NETO1: variants seen among roughly 807,000 people sequenced by gnomAD.
NETO1 encodes the protein neuropilin and tolloid like 1.
NETO1 carries 26 observed loss-of-function variants against 61.3 expected under a neutral mutation model. The ratio of observed to expected loss-of-function variants is 0.42; its 90% CI spans 0.31 to 0.59. The LOEUF is 0.59. Among genes scored for constraint, NETO1 ranks in the 20% least tolerant of loss-of-function variants. The pLI is 0.12. For missense variants in NETO1, 531 were observed against 662.8 expected (o/e 0.80, Z 2.18); for synonymous variants, 225 against 225.8 (o/e 1.00, Z 0.03).
intron 4 of NETO1, among the ~76,000 whole-genome samples, chr18:72,812,043 T>A (rs531975317): frequency 1.0e-3 from 157 of 152,314 alleles, no homozygotes; most frequent in Non-Finnish European, 1.7e-3. Flanking sequence ...AAAACCGCAA[T>A]TGTAAGTGTG....
In NETO1 at chr18:72,744,742, A is replaced by C. The variant is rs1238899706; in HGVS notation, c.*3437T>G. 6.6e-6 allele frequency: 1 copy of C among 152,226 alleles called. No homozygotes were observed. The highest frequency in any genetic ancestry group is 1.5e-5 in the Non-Finnish European group (1 of 68,036). 9.4% of individuals were successfully genotyped at this position (152,226 alleles called of 1,614,324 possible). A position where few individuals can be genotyped will look rare whatever the true frequency, so the allele number is the denominator to read the frequency against. Reference sequence around the variant, plus strand: ...TTTTCATCAGAGATACACAAACTTCATAAGATGCTATTATTTATTTCACTG... The same window carrying C: ...TTTTCATCAGAGATACACAAACTTCCTAAGATGCTATTATTTATTTCACTG... On this transcript the variant is annotated 3_prime_UTR_variant, in exon 11 of 11. Coordinates refer to ENST00000327305, the MANE Select transcript of NETO1 (RefSeq NM_138966.5).
intron 7 of NETO1, among the ~76,000 whole-genome samples, chr18:72,768,107 C>T (rs900201768): frequency 6.6e-6 from 1 of 152,144 alleles, no homozygotes; most frequent in African/African-American, 2.4e-5. Flanking sequence ...AGATCTTTTT[C>T]AAAAGCAAAA....
At chr18:72,761,257 T>C (rs1440366430) in intron 7 of NETO1, among the ~76,000 whole-genome samples, 1 of 152,222 alleles carries the variant, frequency 6.6e-6, no homozygotes, top group Non-Finnish European at 1.5e-5. Context: ...CAAGGAGTTC[T>C]CTGAAGCTAA....
intron 4 of NETO1, among the ~76,000 whole-genome samples, chr18:72,832,794 T>C (rs549544141): frequency 8.5e-5 from 13 of 152,354 alleles, no homozygotes; most frequent in African/African-American, 3.1e-4. Context: ...TTGAGGTTTA[T>C]ATGCATATTT....
intron 7 of NETO1, among the ~76,000 whole-genome samples, chr18:72,781,403 T>C (rs1253903154): frequency 6.6e-6 from 1 of 152,222 alleles, no homozygotes; most frequent in Non-Finnish European, 1.5e-5. Flanking sequence ...AGCCTGAGTC[T>C]CATATGCTTG....
In NETO1 at chr18:72,750,872, T is replaced by TACACACACACACACACACAC. The variant is rs142668353; in HGVS notation, c.983-272_983-253dup. On this transcript the variant is annotated intron_variant, in intron 8 of 10. Transcript: ENST00000327305. ...CATTGCCCAGCATCTCAGCTTAAAA[T>TACACACACACACACACACAC]ACACACACACACACACACACACACA... 1.7e-3 allele frequency among the ~76,000 whole-genome samples: 206 copies of TACACACACACACACACACAC among 118,758 alleles called. 3 individuals carry two copies. Among genetic ancestry groups the TACACACACACACACACACAC allele is most frequent in the Middle Eastern group, 5.2e-3 (1 of 192 alleles). The allele number at this position is 118,758 out of a possible 152,430, so 77.9% of individuals were successfully genotyped here.
intron 8 of NETO1, among the ~76,000 whole-genome samples, chr18:72,751,410 C>T (rs957510000): frequency 6.6e-6 from 1 of 152,124 alleles, no homozygotes; most frequent in African/African-American, 2.4e-5. Context: ...GAGGTGTGGA[C>T]AAGAACGCAG....
chr18:72,783,538 G>A, intron 7 of NETO1, 140 bp downstream of exon 7: 1 of 672,654 alleles, frequency 1.5e-6, no homozygotes, highest in Non-Finnish European at 2.5e-6. Flanking sequence ...ATGAGAAAAA[G>A]AGGACCTTAG....
intron 4 of NETO1, among the ~76,000 whole-genome samples, chr18:72,821,440 C>G (rs931748586): frequency 6.6e-6 from 1 of 151,056 alleles, no homozygotes; most frequent in African/African-American, 2.4e-5. Flanking sequence ...GTGGCACATG[C>G]CTATAATCCA....
chr18:72,772,799 C>A lies in NETO1; in HGVS notation c.868+10879G>T, dbSNP rs1471337247. Reference sequence around the variant, plus strand: ...TATACAGATCTCTATATAGTTCTCTCTCTCTCTCTCTCTCTCTCTCTCTCT... The same window carrying A: ...TATACAGATCTCTATATAGTTCTCTATCTCTCTCTCTCTCTCTCTCTCTCT... On this transcript the variant is annotated intron_variant, in intron 7 of 10. Coordinates refer to ENST00000327305, the MANE Select transcript of NETO1 (RefSeq NM_138966.5). 1.9e-3 allele frequency among the ~76,000 whole-genome samples: 68 copies of A among 34,972 alleles called. 3 individuals carry two copies. The highest frequency in any genetic ancestry group is 4.0e-3 in the African/African-American group (38 of 9,456). The allele number at this position is 34,972 out of a possible 152,430, so 22.9% of individuals were successfully genotyped here. A position where few individuals can be genotyped will look rare whatever the true frequency, so the allele number is the denominator to read the frequency against.
intron 4 of NETO1, among the ~76,000 whole-genome samples, chr18:72,803,188 G>C (rs993557480): frequency 3.3e-5 from 5 of 152,172 alleles, no homozygotes; most frequent in African/African-American, 9.7e-5. Context: ...GTATTTGCTA[G>C]AGTGCACTTG....
chr18:72,788,379 C>T (rs966733662), intron 6 of NETO1, among the ~76,000 whole-genome samples: 8 of 151,994 alleles, frequency 5.3e-5, no homozygotes, highest in African/African-American at 1.9e-4. Context: ...AGCCAAATTC[C>T]ATTATCCAGA....
intron 3 of NETO1, among the ~76,000 whole-genome samples, chr18:72,860,635 A>G (rs952549182): frequency 2.0e-5 from 3 of 152,250 alleles, no homozygotes; most frequent in Admixed American, 1.3e-4. Flanking sequence ...AACTCATGCA[A>G]GAAAAATATT....
intron 7 of NETO1, among the ~76,000 whole-genome samples, chr18:72,756,690 A>G (rs1159911836): frequency 6.6e-6 from 1 of 152,172 alleles, no homozygotes; most frequent in Admixed American, 6.5e-5. Flanking sequence ...TAAAAAATAT[A>G]TTATGCTTAT....
intron 4 of NETO1, among the ~76,000 whole-genome samples, chr18:72,838,766 A>T (rs2073834251): frequency 6.6e-6 from 1 of 152,232 alleles, no homozygotes; most frequent in African/African-American, 2.4e-5. Flanking sequence ...TTTCCATTTA[A>T]TAAAGCCTAT....
chr18:72,865,427 C>A (rs914074188), intron 1 of NETO1, 186 bp from the exon 2 acceptor site: 1 of 1,131,716 alleles, frequency 8.8e-7, no homozygotes, highest in African/African-American at 1.6e-5. Flanking sequence ...CCTTGGGACT[C>A]CCTTAAGGAA....
rs751949606 is a variant in NETO1, at chr18:72,830,987, C to T, written c.469+27839G>A. Among the ~76,000 whole-genome samples, 5 of 152,110 alleles carry T rather than the reference C, an allele frequency of 3.3e-5. No homozygotes were observed. Among genetic ancestry groups the T allele is most frequent in the Non-Finnish European group, 7.4e-5 (5 of 68,026 alleles). On this transcript the variant is annotated intron_variant, in intron 4 of 10. Transcript: ENST00000327305. This position sits in a 1 kb window ranked among gnomAD's most constrained non-coding sequence, Gnocchi z 4.9. ...TTCTTGATGAGGTATACTATTACCT[C>T]ATCAAGGTAACAGAATATGTCTCTT...
At chr18:72,851,062 G>A (rs1456686387) in intron 4 of NETO1, among the ~76,000 whole-genome samples, 1 of 152,120 alleles carries the variant, frequency 6.6e-6, no homozygotes, top group African/African-American at 2.4e-5. Context: ...TGAGCGAAAG[G>A]AACCGGCATC....
intron 4 of NETO1, among the ~76,000 whole-genome samples, chr18:72,801,350 C>T (rs1035184554): frequency 6.6e-6 from 1 of 152,050 alleles, no homozygotes; most frequent in Admixed American, 6.6e-5. Flanking sequence ...AGGAGTGTTC[C>T]TTTATCCAAA....
Sources: allele counts gnomAD v4.1 joint callset (sites outside exome capture counted in the v4.1 genomes callset), GRCh38; gene constraint gnomAD v4.1.1; non-coding constraint Gnocchi (gnomAD v3.1); transcripts MANE v1.5; gene names NCBI Gene and HGNC (gene_info 2026-07-23, HGNC 2026-07-21).